The following FAT3 variants were observed in gnomAD, a reference collection of about 807,000 sequenced individuals.
FAT3 encodes the protein protocadherin Fat 3.
In FAT3, 95 loss-of-function variants were observed where a neutral mutation model predicts 310.2. The ratio of observed to expected loss-of-function variants is 0.31; its 90% CI spans 0.26 to 0.36. The LOEUF (loss-of-function observed/expected upper bound fraction) is 0.36. Among genes scored for constraint, FAT3 ranks in the 10% least tolerant of loss-of-function variants. The probability of loss-of-function intolerance (pLI) is 1.00; values close to 1 mark genes in which losing one functional copy is unlikely to be tolerated. For missense variants in FAT3, 5,408 were observed against 5,715.6 expected, an observed-to-expected ratio of 0.95 and a Z score of 1.74; for synonymous variants, 2,314 against 2,192.9, an observed-to-expected ratio of 1.06 and a Z score of -1.54.
At chr11:92,643,846 A>G (rs1295514657) in intron 3 of FAT3, among the ~76,000 whole-genome samples, 2 of 152,214 alleles carry the variant, frequency 1.3e-5, no homozygotes, top group South Asian at 2.1e-4. Context: ...GAACCTGACA[A>G]TATTTCCAAG....
At chr11:92,664,724 T>C (rs1450720370) in intron 3 of FAT3, among the ~76,000 whole-genome samples, 1 of 152,202 alleles carries the variant, frequency 6.6e-6, no homozygotes, top group Non-Finnish European at 1.5e-5. Flanking sequence ...CATCCCAGAA[T>C]TTTAAACATT....
intron 1 of FAT3, among the ~76,000 whole-genome samples, chr11:92,305,976 C>T (rs1055055220): frequency 1.8e-4 from 28 of 152,060 alleles, no homozygotes; most frequent in African/African-American, 5.8e-4. Context: ...TATGTAGTTA[C>T]GTAAAATGTT....
In FAT3 at chr11:92,886,980, C is replaced by T. The variant is rs747031981; in HGVS notation, c.12938-20C>T. 46 of 1,571,386 alleles carry T rather than the reference C, an allele frequency of 2.9e-5. No individual in the cohort carries two copies. Among genetic ancestry groups the T allele is most frequent in the Non-Finnish European group, 3.7e-5 (43 of 1,154,352 alleles). ...AGGTAACCAGTGTAATTTCTGCTTT[C>T]TCTTTCACTGTCCATGAAGACAAAG... On this transcript the variant is annotated intron_variant, in intron 24 of 27. Coordinates refer to ENST00000525166, the MANE Select transcript of FAT3 (RefSeq NM_001367949.2).
rs138237129 is a variant in FAT3, at chr11:92,844,424, G to T, written c.11057G>T (p.Arg3686Leu). ...AVLTQKQDSL[R>L]IISIQPVAGT... ...CTCACCCAGAAGCAGGACAGCCTGC[G>T]CATCATCAGCATCCAGCCCGTGGCA... Residue 3686 changes from arginine (R) to leucine (L), a missense_variant, in exon 19 of 28, where the codon CGC (arginine) becomes CTC (leucine). Transcript: ENST00000525166. The T allele has an allele frequency of 1.2e-6, 2 of 1,613,850 alleles. No homozygotes were observed. Among genetic ancestry groups the T allele is most frequent in the Non-Finnish European group, 1.7e-6 (2 of 1,179,896 alleles).
intron 4 of FAT3, among the ~76,000 whole-genome samples, chr11:92,752,418 A>C (rs1945853443): frequency 6.6e-6 from 1 of 152,232 alleles, no homozygotes; most frequent in South Asian, 2.1e-4. Context: ...AATTGGTGTA[A>C]AAACAGTATC....
chr11:92,240,356 A>T (rs1307150356), intron 1 of FAT3, among the ~76,000 whole-genome samples: 1 of 151,988 alleles, frequency 6.6e-6, no homozygotes, highest in East Asian at 1.9e-4. Flanking sequence ...ATTTTCTTGA[A>T]TGTCTTTTCA....
At chr11:92,505,078 C>A (rs992577143) in intron 2 of FAT3, among the ~76,000 whole-genome samples, 3 of 152,018 alleles carry the variant, frequency 2.0e-5, no homozygotes, top group African/African-American at 7.2e-5. Flanking sequence ...TCTGAGGTAT[C>A]TGGAGTAGAC....
At chr11:92,740,099 T>G (rs1329695337) in intron 4 of FAT3, among the ~76,000 whole-genome samples, 2 of 152,160 alleles carry the variant, frequency 1.3e-5, no homozygotes, top group Non-Finnish European at 2.9e-5. Flanking sequence ...AGTAGGGAGT[T>G]AACTTTGATC....
At chr11:92,692,127 T>G (rs563509616) in intron 3 of FAT3, among the ~76,000 whole-genome samples, 2 of 152,302 alleles carry the variant, frequency 1.3e-5, no homozygotes, top group South Asian at 4.1e-4. Flanking sequence ...AAAAAAATTT[T>G]TAAAAGGCTA....
intron 4 of FAT3, among the ~76,000 whole-genome samples, chr11:92,705,644 T>TAGTGATGGTGGTGG (rs145584143): frequency 8.1e-3 from 1 of 124 alleles, no homozygotes; most frequent in Non-Finnish European, 0.016. Flanking sequence ...GTGATGGTGG[T>TAGTGATGGTGGTGG]TGGTGGTGTG....
intron 3 of FAT3, among the ~76,000 whole-genome samples, chr11:92,574,707 A>G (rs2135514278): frequency 6.6e-6 from 1 of 152,176 alleles, no homozygotes; most frequent in South Asian, 2.1e-4. Flanking sequence ...AACATTCTGG[A>G]CCTTTGACAC....
Position 92,840,777 on chromosome 11 carries a change from G to C in FAT3, c.10566+18G>C, listed in dbSNP as rs373634654. The C allele has an allele frequency of 5.9e-6, 9 of 1,522,822 alleles. No individual in the cohort carries two copies. The highest frequency in any genetic ancestry group is 3.6e-5 in the Admixed American group (2 of 55,548). The allele number at this position is 1,522,822 out of a possible 1,614,324, so 94.3% of individuals were successfully genotyped here. On this transcript the variant is annotated intron_variant, in intron 18 of 27. Transcript: ENST00000525166. ...GTGTCCAGGTATGGCATCGCACTCT[G>C]TCTCCGTCGTGCTGTCTTTCTTTCT...
At chr11:92,229,955 T>C (rs960262775) in intron 1 of FAT3, among the ~76,000 whole-genome samples, 1 of 152,142 alleles carries the variant, frequency 6.6e-6, no homozygotes, top group African/African-American at 2.4e-5. Flanking sequence ...TATATATGAA[T>C]GTGGAGAGCC....
At chr11:92,851,149 A>G (rs899205219) in intron 19 of FAT3, among the ~76,000 whole-genome samples, 2 of 152,148 alleles carry the variant, frequency 1.3e-5, no homozygotes, top group African/African-American at 4.8e-5. Context: ...CTGTGCCTAC[A>G]GTGCACACAG....
At chr11:92,795,714 C>G (rs1947152401) in intron 9 of FAT3, among the ~76,000 whole-genome samples, 1 of 151,956 alleles carries the variant, frequency 6.6e-6, no homozygotes, top group Admixed American at 6.6e-5. Context: ...AGTCTGAGAC[C>G]AGCCTGACCA....
At chr11:92,643,478 T>A (rs1942037572) in intron 3 of FAT3, among the ~76,000 whole-genome samples, 1 of 152,224 alleles carries the variant, frequency 6.6e-6, no homozygotes, top group East Asian at 1.9e-4. Flanking sequence ...TACTGCTGCA[T>A]AGCTTTGGGC....
intron 1 of FAT3, among the ~76,000 whole-genome samples, chr11:92,275,038 G>T (rs553792653): frequency 6.6e-6 from 1 of 152,056 alleles, no homozygotes; most frequent in East Asian, 1.9e-4. Context: ...GGTATTTAGC[G>T]CAACATGCAA....
chr11:92,779,125 T>C (rs1179650924), intron 7 of FAT3, among the ~76,000 whole-genome samples: 1 of 152,014 alleles, frequency 6.6e-6, no homozygotes, highest in Admixed American at 6.6e-5. Flanking sequence ...ACAAGGAGCA[T>C]TGGCTGTTAT....
At chr11:92,733,050 G>A (rs1469458645) in intron 4 of FAT3, among the ~76,000 whole-genome samples, 2 of 152,198 alleles carry the variant, frequency 1.3e-5, no homozygotes, top group Admixed American at 6.5e-5. Flanking sequence ...TGAGGGGCAG[G>A]TAGCTGACTG....
Sources: gnomAD v4.1 joint callset for allele counts (sites outside exome capture counted in the v4.1 genomes callset) on GRCh38, gnomAD v4.1.1 for gene constraint, MANE v1.5 for transcripts, NCBI Gene and HGNC (gene_info 2026-07-23, HGNC 2026-07-21) for gene names.